The following CHN2 variants were observed in gnomAD, a reference collection of about 807,000 sequenced individuals.
CHN2 encodes beta-chimaerin.
Under a neutral mutation model 56.3 loss-of-function variants are expected in CHN2, and 35 were observed. The ratio of observed to expected loss-of-function variants is 0.62; its 90% CI spans 0.47 to 0.82. The LOEUF (loss-of-function observed/expected upper bound fraction) is 0.82, where lower values mean the gene tolerates loss of function less well. Among genes scored for constraint, CHN2 ranks in the 40% least tolerant of loss-of-function variants. The probability of loss-of-function intolerance (pLI) is 0.00; values close to 1 mark genes in which losing one functional copy is unlikely to be tolerated. For missense variants in CHN2, 491 were observed against 580.5 expected, an observed-to-expected ratio of 0.85 and a Z score of 1.58; for synonymous variants, 210 against 212.8, an observed-to-expected ratio of 0.99 and a Z score of 0.12.
At chr7:29,255,098 A>T (rs1355148886) in intron 1 of CHN2, among the ~76,000 whole-genome samples, 1 of 152,152 alleles carries the variant, frequency 6.6e-6, no homozygotes, top group Non-Finnish European at 1.5e-5. Context: ...GGCACCCAAG[A>T]ATGGACAGTG....
At chr7:29,464,509 AC>A (rs1187524925) in intron 6 of CHN2, among the ~76,000 whole-genome samples, 1 of 152,196 alleles carries the variant, frequency 6.6e-6, no homozygotes, top group African/African-American at 2.4e-5. Flanking sequence ...TATGTCACAA[AC>A]CTGCACATTC....
At chr7:29,206,998 C>T (rs245926) in intron 1 of CHN2, among the ~76,000 whole-genome samples, 18,566 of 152,030 alleles carry the variant, frequency 0.12, 1,206 homozygotes, top group African/African-American at 0.14. Flanking sequence ...TTTGTGGTAA[C>T]GAAATTGTTC....
chr7:29,165,564 T>G (rs977107960), intron 2 of CHN2, among the ~76,000 whole-genome samples: 6 of 152,204 alleles, frequency 3.9e-5, no homozygotes, highest in African/African-American at 1.4e-4. Context: ...CTTTCATTAA[T>G]ACATTTGCCA....
intron 6 of CHN2, among the ~76,000 whole-genome samples, chr7:29,411,098 C>T (rs1803163941): frequency 6.6e-6 from 1 of 152,094 alleles, no homozygotes; most frequent in African/African-American, 2.4e-5. Flanking sequence ...AACTACACAC[C>T]AAGTACACAA....
In CHN2 at chr7:29,197,967, T is replaced by C. The variant is rs139509326; in HGVS notation, c.49+2977T>C. The C allele has an allele frequency of 1.6e-4, 75 of 456,264 alleles. No individual in the cohort carries two copies. In the East Asian group the frequency reaches 5.1e-3, roughly 31 times the overall value. 28.3% of individuals were successfully genotyped at this position (456,264 alleles called of 1,614,324 possible). A position where few individuals can be genotyped will look rare whatever the true frequency, so the allele number is the denominator to read the frequency against. On this transcript the variant is annotated intron_variant, in intron 1 of 12. Transcript: ENST00000222792. Reference sequence around the variant, plus strand: ...TTTCAGGAAGAGAGAAGAGCTTAGGTAAAGGCCTGGAGATGGGTAAGTTCA... The same window carrying C: ...TTTCAGGAAGAGAGAAGAGCTTAGGCAAAGGCCTGGAGATGGGTAAGTTCA...
At chr7:29,249,658 G>T (rs889163800) in intron 1 of CHN2, among the ~76,000 whole-genome samples, 1 of 152,208 alleles carries the variant, frequency 6.6e-6, no homozygotes, top group African/African-American at 2.4e-5. Flanking sequence ...TGGATTACAG[G>T]TTATTTGAGT....
intron 6 of CHN2, among the ~76,000 whole-genome samples, chr7:29,401,496 C>G (rs1345937320): frequency 2.0e-5 from 3 of 152,150 alleles, no homozygotes; most frequent in African/African-American, 7.2e-5. Context: ...TTTAGTTCCA[C>G]CCAGCCGGCC....
chr7:29,324,550 T>G (rs867917591), intron 1 of CHN2, among the ~76,000 whole-genome samples: 28 of 152,112 alleles, frequency 1.8e-4, no homozygotes, highest in Non-Finnish European at 3.4e-4. Context: ...TGACAATCTC[T>G]GCATCTGTAC....
intron 6 of CHN2, among the ~76,000 whole-genome samples, chr7:29,465,960 T>G (rs917420587): frequency 6.6e-6 from 1 of 152,166 alleles, no homozygotes; most frequent in Admixed American, 6.5e-5. Context: ...TCCCAGCACT[T>G]TGGGAGGCTC....
intron 1 of CHN2, among the ~76,000 whole-genome samples, chr7:29,319,986 T>TG (rs1410609151): frequency 6.6e-6 from 1 of 152,138 alleles, no homozygotes; most frequent in Non-Finnish European, 1.5e-5. Flanking sequence ...ATGTGTAAAG[T>TG]GGGGAATTGA....
At chr7:29,329,327 GT>G (rs757741423) in intron 1 of CHN2, among the ~76,000 whole-genome samples, 103 of 118,866 alleles carry the variant, frequency 8.7e-4, no homozygotes, top group Non-Finnish European at 1.3e-3. Context: ...GACAGGAAGA[GT>G]TTAACTCCTC....
Position 29,304,062 on chromosome 7 carries a change from GAAA to G in CHN2, c.50-50552_50-50550del, listed in dbSNP as rs5883200. ...GTGACAGAGTGAGACATCATCTCAAGAAAAAAAAAAAAAGTAGCAAAAGCAGTG... is the reference window on the plus strand; with the variant it reads ...GTGACAGAGTGAGACATCATCTCAAGAAAAAAAAAAGTAGCAAAAGCAGTG... On this transcript the variant is annotated intron_variant, in intron 1 of 12. Transcript: ENST00000222792. Among the ~76,000 whole-genome samples the G allele has an allele frequency of 1.5e-4, 23 of 148,870 alleles. 1 individual carries two copies. The highest frequency in any genetic ancestry group is 1.3e-3 in the Admixed American group (19 of 14,942).
At chr7:29,280,248 G>T (rs1336391634) in intron 1 of CHN2, among the ~76,000 whole-genome samples, 1 of 152,106 alleles carries the variant, frequency 6.6e-6, no homozygotes, top group African/African-American at 2.4e-5. Flanking sequence ...GCCGGGCGTG[G>T]TGGTGGGCGC....
chr7:29,257,328 T>C (rs974701297), intron 1 of CHN2, among the ~76,000 whole-genome samples: 1 of 152,166 alleles, frequency 6.6e-6, no homozygotes, highest in African/African-American at 2.4e-5. Flanking sequence ...CCTGCGGTCA[T>C]CTCAATACAG....
intron 1 of CHN2, among the ~76,000 whole-genome samples, chr7:29,219,263 A>G (rs531797066): frequency 6.6e-6 from 1 of 152,340 alleles, no homozygotes; most frequent in African/African-American, 2.4e-5. Flanking sequence ...GAAAGGTTAA[A>G]ATTACTAATT....
At chr7:29,436,814 G>A (rs1488534330) in intron 6 of CHN2, among the ~76,000 whole-genome samples, 2 of 152,048 alleles carry the variant, frequency 1.3e-5, no homozygotes, top group Admixed American at 1.3e-4. Context: ...CAGTGAAATA[G>A]GTTCCTAAGT....
chr7:29,460,003 G>C (rs577588918), intron 6 of CHN2, among the ~76,000 whole-genome samples: 15 of 152,230 alleles, frequency 9.9e-5, no homozygotes, highest in Admixed American at 4.6e-4. Context: ...TTCCAAGGTG[G>C]CAGCCACAAA....
intron 1 of CHN2, chr7:29,146,803 T>C (rs1371976370): frequency 6.5e-7 from 1 of 1,549,776 alleles, no homozygotes; most frequent in Non-Finnish European, 8.7e-7. Context: ...AAAGCTGCTA[T>C]CTTAAAATTT....
intron 6 of CHN2, among the ~76,000 whole-genome samples, chr7:29,474,851 A>G (rs552626396): frequency 1.9e-4 from 29 of 152,334 alleles, no homozygotes; most frequent in Non-Finnish European, 3.1e-4. Flanking sequence ...GGTACTGATA[A>G]AGCACAATGT....
Sources: gnomAD v4.1 joint callset for allele counts (sites outside exome capture counted in the v4.1 genomes callset) on GRCh38, gnomAD v4.1.1 for gene constraint, MANE v1.5 for transcripts, NCBI Gene and HGNC (gene_info 2026-07-23, HGNC 2026-07-21) for gene names.